Variants in MACF1 observed in about 807,000 individuals in gnomAD.
MACF1 encodes microtubule actin crosslinking factor 1, also known as microtubule-actin cross-linking factor 1.
A neutral mutation model predicts 854.8 loss-of-function variants in MACF1; 193 were observed. That is an observed-to-expected ratio of 0.23 (90% CI 0.20 to 0.25). MACF1 has a LOEUF of 0.25. MACF1 is among the 10% of genes least tolerant of loss of function. MACF1 has a pLI of 1.00. For synonymous variants in MACF1, 3,185 were observed against 3,226.7 expected, an observed-to-expected ratio of 0.99 and a Z score of 0.44; for missense variants, 7,722 against 8,929.1, an observed-to-expected ratio of 0.86 and a Z score of 5.45.
rs1182700875 is a variant in MACF1, at chr1:39,283,630, C to T, written c.915+115C>T. 1 of 724,430 alleles carries T rather than the reference C, an allele frequency of 1.4e-6. No individual in the cohort carries two copies. Among genetic ancestry groups the T allele is most frequent in the Non-Finnish European group, 2.4e-6 (1 of 419,420 alleles). The allele number at this position is 724,430 out of a possible 1,614,324, so 44.9% of individuals were successfully genotyped here. On this transcript the variant is annotated intron_variant, in intron 9 of 100. Coordinates refer to ENST00000564288, the MANE Select transcript of MACF1 (RefSeq NM_001394062.1). This position sits in a 1 kb window ranked among gnomAD's most constrained non-coding sequence, Gnocchi z 4.5. ...TACTCATGGTATCAAACTATATATC[C>T]AGTATCTTTATCATACATGGACATT...
At chr1:39,296,755 G>GA (rs1645913233) in intron 20 of MACF1, among the ~76,000 whole-genome samples, 1 of 59,792 alleles carries the variant, frequency 1.7e-5, no homozygotes, top group African/African-American at 5.2e-5. Context: ...AGAAAGAAAG[G>GA]AAGGAAGGAA....
intron 6 of MACF1, among the ~76,000 whole-genome samples, chr1:39,276,937 A>G (rs996519966): frequency 6.6e-6 from 1 of 152,168 alleles, no homozygotes; most frequent in Non-Finnish European, 1.5e-5. Context: ...ATTTTTTTGT[A>G]GAGATCAACT....
At chr1:39,423,946 G>T (rs1462537620) in intron 60 of MACF1, 82 bp from the exon 61 acceptor site, 5 of 1,288,132 alleles carry the variant, frequency 3.9e-6, no homozygotes, top group Non-Finnish European at 5.3e-6. Flanking sequence ...TGGCGGGTTG[G>T]TTTCTTTTGT....
chr1:39,117,809 T>G (rs1642586254), intron 2 of MACF1, among the ~76,000 whole-genome samples: 1 of 152,202 alleles, frequency 6.6e-6, no homozygotes, highest in Non-Finnish European at 1.5e-5. Flanking sequence ...ATAAAGAATG[T>G]GTAAGCGGTT....
At chr1:39,089,698 C>T (rs943526015) in intron 2 of MACF1, among the ~76,000 whole-genome samples, 2 of 140,196 alleles carry the variant, frequency 1.4e-5, no homozygotes, top group Non-Finnish European at 1.6e-5. Flanking sequence ...AGGCACCTCT[C>T]TGCTTCATTC....
chr1:39,452,366 T>G lies in MACF1; in HGVS notation c.20613+16T>G, dbSNP rs1557662478. The stretch of plus-strand genomic sequence containing the variant: ...CTTAAAACAAGTAAGGGATATTTGC[T>G]GTCCCAACCCAAGGGATAGATCTGA... On this transcript the variant is annotated intron_variant, in intron 86 of 100. Transcript: ENST00000564288. The G allele has an allele frequency of 6.2e-7, 1 of 1,608,400 alleles. No individual in the cohort carries two copies. The highest frequency in any genetic ancestry group is 8.5e-7 in the Non-Finnish European group (1 of 1,176,800).
intron 44 of MACF1, among the ~76,000 whole-genome samples, chr1:39,353,801 C>G (rs1647293870): frequency 6.6e-6 from 1 of 152,122 alleles, no homozygotes; most frequent in African/African-American, 2.4e-5. Context: ...CTCTCACTCT[C>G]CTATGTCAAA....
intron 2 of MACF1, among the ~76,000 whole-genome samples, chr1:39,171,798 T>C (rs915387725): frequency 6.6e-6 from 1 of 152,132 alleles, no homozygotes; most frequent in African/African-American, 2.4e-5. Flanking sequence ...GCTAATTTTT[T>C]TGTATTTTTA....
intron 2 of MACF1, among the ~76,000 whole-genome samples, chr1:39,146,904 G>T (rs1643476519): frequency 1.3e-5 from 2 of 152,174 alleles, no homozygotes; most frequent in Non-Finnish European, 2.9e-5. Flanking sequence ...TATTTACCCT[G>T]ATGTGATTAG....
At chr1:39,316,210 G>C (rs1646409944) in intron 27 of MACF1, among the ~76,000 whole-genome samples, 181 bp from the exon 28 acceptor site, 1 of 152,132 alleles carries the variant, frequency 6.6e-6, no homozygotes, top group African/African-American at 2.4e-5. Context: ...TTTTGAATTG[G>C]CTTAAATTGG....
intron 1 of MACF1, among the ~76,000 whole-genome samples, chr1:39,207,996 G>A (rs1201666479): frequency 6.6e-6 from 1 of 151,858 alleles, no homozygotes; most frequent in Non-Finnish European, 1.5e-5. Context: ...TAGCTGGTGT[G>A]ATGGCAGGTG....
intron 89 of MACF1, among the ~76,000 whole-genome samples, chr1:39,455,569 G>C (rs909907128): frequency 6.6e-6 from 1 of 152,142 alleles, no homozygotes; most frequent in African/African-American, 2.4e-5. Flanking sequence ...TGTAATTAAG[G>C]GAGTGAATAT....
intron 2 of MACF1, among the ~76,000 whole-genome samples, chr1:39,122,043 T>A (rs573933623): frequency 6.6e-6 from 1 of 152,236 alleles, no homozygotes; most frequent in South Asian, 2.1e-4. Flanking sequence ...ACAAAAATTG[T>A]TTACCTTAAG....
rs1394314665 is a variant in MACF1, at chr1:39,442,770, T to G, written c.19161T>G (p.Ala6387=). Residue 6387 remains alanine (A), a synonymous_variant, in exon 78 of 101, where the codon GCT becomes GCG. Transcript: ENST00000564288. ...HQATVETVNK[A]GNELLESSAG... ...CCACAGTGGAAACAGTCAACAAAGC[T>G]GGCAATGAGCTTCTTGAATCCAGTG... 6.2e-7 allele frequency: 1 copy of G among 1,614,014 alleles called. No homozygotes were observed. Among genetic ancestry groups the G allele is most frequent in the Non-Finnish European group, 8.5e-7 (1 of 1,180,024 alleles).
At chr1:39,293,397 G>A (rs1355852088) in intron 17 of MACF1, 61 bp from the exon 18 acceptor site, 2 of 1,370,966 alleles carry the variant, frequency 1.5e-6, no homozygotes, top group South Asian at 1.5e-5. Flanking sequence ...GATGTCAAAT[G>A]TGCTATCTTC....
chr1:39,242,983 C>G (rs1045103848), intron 2 of MACF1, among the ~76,000 whole-genome samples: 2 of 152,180 alleles, frequency 1.3e-5, no homozygotes, highest in African/African-American at 4.8e-5. Context: ...ACTGCTGGGT[C>G]GTATGGTAAC....
chr1:39,136,589 G>T (rs1261092113), intron 2 of MACF1, among the ~76,000 whole-genome samples: 1 of 152,130 alleles, frequency 6.6e-6, no homozygotes, highest in Admixed American at 6.5e-5. Flanking sequence ...GCACCCCCCT[G>T]TGCAAATTGG....
chr1:39,333,246 A>C lies in MACF1; in HGVS notation c.6658A>C (p.Asn2220His). Residue 2220 changes from asparagine (N) to histidine (H), a missense_variant, in exon 37 of 101, where the codon AAT becomes CAT. By Grantham distance (68) the Asn-to-His change is moderately conservative. This residue lies in a region of MACF1 where 1,531 missense variants were observed against 1,601.6 expected (regional missense o/e 0.96). Transcript: ENST00000564288. ...AGAACTAAAGTCTGAAACTGATGGG[A>C]ATGTTCATCCTCTGGACAAAAAGGA... is the stretch of plus-strand genomic sequence containing the variant. ...KLELKSETDG[N>H]VHPLDKKEML... 6.2e-7 allele frequency: 1 copy of C among 1,613,616 alleles called. No individual in the cohort carries two copies. The highest frequency in any genetic ancestry group is 8.5e-7 in the Non-Finnish European group (1 of 1,179,924).
chr1:39,409,975 AG>A lies in MACF1; in HGVS notation c.15817-12398del. 3.2e-6 allele frequency: 1 copy of A among 316,806 alleles called. No homozygotes were observed. The highest frequency in any genetic ancestry group is 5.7e-6 in the Non-Finnish European group (1 of 174,166). 19.6% of individuals were successfully genotyped at this position (316,806 alleles called of 1,614,324 possible). ...ATGATTTTTGTTGACTGTATTTGAA[AG>A]AGCAGTGCTCTTAAAAAAAATTAAA... On this transcript the variant is annotated intron_variant, in intron 58 of 100. Transcript: ENST00000564288. The surrounding 1 kb of genome is among the most constrained non-coding windows in gnomAD (Gnocchi z 4.2).
Sources: gnomAD v4.1 joint callset for allele counts (sites outside exome capture counted in the v4.1 genomes callset) on GRCh38, gnomAD v4.1.1 for gene constraint, gnomAD v4.1.1 regional missense constraint, Gnocchi (gnomAD v3.1) non-coding constraint, MANE v1.5 for transcripts, NCBI Gene and HGNC (gene_info 2026-07-23, HGNC 2026-07-21) for gene names.